Variants in LPP observed in about 807,000 individuals in gnomAD.
LPP encodes the protein LIM domain containing preferred translocation partner in lipoma.
In LPP, 38 loss-of-function variants were observed where a neutral mutation model predicts 60.4. The observed-to-expected ratio is 0.63, with a 90% CI of 0.49 to 0.83. The LOEUF is 0.83. LPP is among the 40% of genes least tolerant of loss of function. LPP has a pLI of 0.00. For synonymous variants in LPP, 328 were observed against 290.8 expected (o/e 1.13, Z -1.30); for missense variants, 902 against 783.6 (o/e 1.15, Z -1.80).
At chr3:188,213,108 C>G (rs1208352456) in intron 1 of LPP, 4 of 152,158 alleles carry the variant, frequency 2.6e-5, no homozygotes, top group Admixed American at 1.3e-4. Context: ...TTTGGGAGTG[C>G]TGTTGTCTGA....
intron 2 of LPP, among the ~76,000 whole-genome samples, chr3:188,275,238 G>A (rs946432401): frequency 6.6e-6 from 1 of 152,164 alleles, no homozygotes; most frequent in African/African-American, 2.4e-5. Context: ...CCACAGAGAG[G>A]CTTTTCTGCT....
intron 11 of LPP, among the ~76,000 whole-genome samples, chr3:188,873,145 G>A (rs898464465): frequency 2.0e-5 from 3 of 152,170 alleles, no homozygotes; most frequent in Admixed American, 2.0e-4. Context: ...CAGAGTCATG[G>A]AGATTTATTT....
chr3:188,421,804 C>A (rs898431582), intron 4 of LPP, among the ~76,000 whole-genome samples: 1 of 152,102 alleles, frequency 6.6e-6, no homozygotes, highest in Non-Finnish European at 1.5e-5. Flanking sequence ...TAATTGCCAA[C>A]TTGATTTTAT....
chr3:188,693,892 A>G (rs1398640953), intron 7 of LPP, among the ~76,000 whole-genome samples: 1 of 152,188 alleles, frequency 6.6e-6, no homozygotes, highest in East Asian at 1.9e-4. Context: ...AATTAAACGA[A>G]TATTGAATTA....
intron 6 of LPP, among the ~76,000 whole-genome samples, chr3:188,537,623 G>T (rs1195087252): frequency 6.6e-6 from 1 of 152,154 alleles, no homozygotes; most frequent in Non-Finnish European, 1.5e-5. Flanking sequence ...TCTATGGAAA[G>T]ACATCTTCTG....
At chr3:188,232,504 A>ATTTTTTTTTTTTTTTTTTTT (rs71634069) in intron 2 of LPP, among the ~76,000 whole-genome samples, 1 of 103,234 alleles carries the variant, frequency 9.7e-6, no homozygotes, top group Non-Finnish European at 1.9e-5. Context: ...ACACCCGGCT[A>ATTTTTTTTTTTTTTTTTTTT]TTTTTTTTTT....
At chr3:188,771,479 G>A (rs1157881898) in intron 9 of LPP, among the ~76,000 whole-genome samples, 1 of 148,308 alleles carries the variant, frequency 6.7e-6, no homozygotes, top group Non-Finnish European at 1.5e-5. Flanking sequence ...AACCCAGGAG[G>A]CAGAGGTTGC....
intron 2 of LPP, among the ~76,000 whole-genome samples, chr3:188,318,245 A>G (rs1755691114): frequency 6.6e-6 from 1 of 152,154 alleles, no homozygotes; most frequent in Non-Finnish European, 1.5e-5. Context: ...TACCTGAAAA[A>G]ATGTTCAGGA....
chr3:188,761,617 C>A (rs1321756731), intron 9 of LPP, among the ~76,000 whole-genome samples: 2 of 152,166 alleles, frequency 1.3e-5, no homozygotes, highest in African/African-American at 4.8e-5. Flanking sequence ...TCATTAGTGT[C>A]AGAACCAAGG....
chr3:188,854,807 A>G (rs1763439378), intron 9 of LPP, among the ~76,000 whole-genome samples: 1 of 152,224 alleles, frequency 6.6e-6, no homozygotes, highest in East Asian at 1.9e-4. Flanking sequence ...TAATTTAGGA[A>G]GTAATTGTAA....
At position 188,250,710 on chromosome 3, in the gene LPP, TTTTCTTTCTTTCTCTC is replaced by T. The variant is rs1344000759; in HGVS notation, c.-67+25197_-67+25212del. 2.4e-4 allele frequency among the ~76,000 whole-genome samples: 36 copies of T among 148,840 alleles called. 1 individual carries two copies. Among genetic ancestry groups the T allele is most frequent in the African/African-American group, 7.5e-4 (30 of 40,246 alleles). Reference sequence around the variant, plus strand: ...CTCTCTCTCTCTCTTTTCCTCTTTCTTTTCTTTCTTTCTCTCTTTCTTTCTTTCTTTCTTTCTTTCT... The same window carrying T: ...CTCTCTCTCTCTCTTTTCCTCTTTCTTTTCTTTCTTTCTTTCTTTCTTTCT... On this transcript the variant is annotated intron_variant, in intron 2 of 11. Transcript: ENST00000617246.
intron 3 of LPP, among the ~76,000 whole-genome samples, chr3:188,346,331 T>G (rs745780548): frequency 3.5e-5 from 5 of 142,256 alleles, no homozygotes; most frequent in Non-Finnish European, 7.5e-5. Context: ...ACGATCTTGG[T>G]TTACTGCAGC....
chr3:188,579,754 G>A (rs1835618631), intron 6 of LPP, among the ~76,000 whole-genome samples: 1 of 150,380 alleles, frequency 6.6e-6, no homozygotes, highest in South Asian at 2.1e-4. Flanking sequence ...GAGCACAGGA[G>A]TTTGAGACCA....
chr3:188,247,261 G>GA (rs71669951), intron 2 of LPP: 43,202 of 468,148 alleles, frequency 0.092, 1 homozygote, highest in Non-Finnish European at 0.11. Flanking sequence ...ACTTTAGTGG[G>GA]AAAAAAAAAA....
At chr3:188,317,205 A>G (rs1319498523) in intron 2 of LPP, among the ~76,000 whole-genome samples, 1 of 152,074 alleles carries the variant, frequency 6.6e-6, no homozygotes, top group Non-Finnish European at 1.5e-5. Context: ...CGTTTCTACC[A>G]GAATCAGTTG....
intron 2 of LPP, among the ~76,000 whole-genome samples, chr3:188,296,049 T>A (rs145887451): frequency 9.4e-4 from 143 of 152,302 alleles, no homozygotes; most frequent in African/African-American, 3.3e-3. Context: ...ACAGACCCTG[T>A]TCCATCTAGA....
rs76455410 is a variant in LPP at position 188,619,881 on chromosome 3, T to C, written c.1113+10037T>C. 3.3e-3 allele frequency among the ~76,000 whole-genome samples: 508 copies of C among 152,278 alleles called. 4 individuals carry two copies. The highest frequency in any genetic ancestry group is 0.012 in the African/African-American group (485 of 41,572). ...AAGAACAGAATATCAAAATCAAAAA[T>C]TAACATGCTATGTGCAGAGTAGGTT... is the stretch of plus-strand genomic sequence containing the variant. On this transcript the variant is annotated intron_variant, in intron 7 of 11. Coordinates refer to ENST00000617246, the MANE Select transcript of LPP (RefSeq NM_001375462.1).
intron 8 of LPP, among the ~76,000 whole-genome samples, chr3:188,733,367 C>G (rs560559693): frequency 6.6e-6 from 1 of 151,764 alleles, no homozygotes; most frequent in African/African-American, 2.4e-5. Context: ...AGTTAAAATA[C>G]AAAGCCTCTG....
At chr3:188,602,990 C>T (rs1291980951) in intron 6 of LPP, among the ~76,000 whole-genome samples, 1 of 150,468 alleles carries the variant, frequency 6.6e-6, no homozygotes, top group Non-Finnish European at 1.5e-5. Context: ...AGGTGACCTG[C>T]AGAAATTGTT....
Sources: gnomAD v4.1 joint callset for allele counts (sites outside exome capture counted in the v4.1 genomes callset) on GRCh38, gnomAD v4.1.1 for gene constraint, MANE v1.5 for transcripts, NCBI Gene and HGNC (gene_info 2026-07-23, HGNC 2026-07-21) for gene names.